The following MGAM variants were observed in gnomAD, a reference collection of about 807,000 sequenced individuals.
MGAM encodes the protein alpha-1,4-glucosidase.
A neutral mutation model predicts 358.8 loss-of-function variants in MGAM; 253 were observed. The ratio of observed to expected loss-of-function variants is 0.71; its 90% CI spans 0.64 to 0.78. MGAM has a LOEUF of 0.78. Among genes scored for constraint, MGAM ranks in the 30% least tolerant of loss-of-function variants. The pLI is 0.00. For missense variants in MGAM, 3,080 were observed against 3,432.6 expected (o/e 0.90, Z 2.57); for synonymous variants, 1,105 against 1,227.1 (o/e 0.90, Z 2.08).
At position 142,082,580 on chromosome 7, in the gene MGAM, A is replaced by C. The variant is rs1244543426; in HGVS notation, c.6268+9A>C. 2 of 1,492,266 alleles carry C rather than the reference A, an allele frequency of 1.3e-6. 1 individual carries two copies. Among genetic ancestry groups the C allele is most frequent in the Non-Finnish European group, 1.8e-6 (2 of 1,095,032 alleles). The allele number at this position is 1,492,266 out of a possible 1,614,324, so 92.4% of individuals were successfully genotyped here. A position where few individuals can be genotyped will look rare whatever the true frequency, so the allele number is the denominator to read the frequency against. ...GAACAGCAATGCCATGGGTAAGGCC[A>C]TCCAGCGCCTCCCTTATTTTGGGGG... On this transcript the variant is annotated intron_variant, in intron 52 of 70. Transcript: ENST00000475668.
intron 3 of MGAM, among the ~76,000 whole-genome samples, chr7:142,016,767 A>G (rs1015768880): frequency 9.2e-5 from 14 of 151,960 alleles, no homozygotes; most frequent in Non-Finnish European, 1.9e-4. Flanking sequence ...TAATTTTTGT[A>G]TTTTTAGTAG....
At chr7:142,029,025 T>C (rs977941663) in intron 10 of MGAM, among the ~76,000 whole-genome samples, 1 of 152,082 alleles carries the variant, frequency 6.6e-6, no homozygotes, top group Non-Finnish European at 1.5e-5. Flanking sequence ...CTACATGCCT[T>C]CTTTAGTTAT....
At position 142,063,439 on chromosome 7, in the gene MGAM, A is replaced by C. The variant is rs1812420942; in HGVS notation, c.4258-60A>C. 12 of 1,566,888 alleles carry C rather than the reference A, an allele frequency of 7.7e-6. No individual in the cohort carries two copies. In the East Asian group the frequency reaches 2.8e-4, roughly 36 times the overall value. ...AATTTATTCACTACTTCCTTGGCTC[A>C]GAATTGGCAGGACGTAATTATCTTA... On this transcript the variant is annotated intron_variant, in intron 35 of 70. Coordinates refer to ENST00000475668, the MANE Select transcript of MGAM (RefSeq NM_001365693.1).
At chr7:142,016,663 G>T (rs1554456295) in intron 3 of MGAM, among the ~76,000 whole-genome samples, 1 of 152,170 alleles carries the variant, frequency 6.6e-6, no homozygotes, top group African/African-American at 2.4e-5. Flanking sequence ...CACAATCTCG[G>T]CTCGCTGCAA....
At chr7:141,990,833 A>G (rs1241581233) in intron 2 of MGAM, among the ~76,000 whole-genome samples, 2 of 152,124 alleles carry the variant, frequency 1.3e-5, no homozygotes, top group African/African-American at 2.4e-5. Context: ...TTCGCCCAAA[A>G]TATCTTTCCT....
At chr7:142,075,541 C>T (rs1237942824) in intron 45 of MGAM, among the ~76,000 whole-genome samples, 1 of 146,298 alleles carries the variant, frequency 6.8e-6, no homozygotes, top group Non-Finnish European at 1.5e-5. Context: ...CCATATATCT[C>T]AGAAGAGATT....
chr7:141,995,252 A>AG (rs1554448369), upstream of MGAM, among the ~76,000 whole-genome samples: 1 of 151,844 alleles, frequency 6.6e-6, no homozygotes, highest in African/African-American at 2.4e-5. Flanking sequence ...AACCAAAAAA[A>AG]AAAAAAATCC....
intron 20 of MGAM, 173 bp downstream of exon 20, chr7:142,040,344 T>G: frequency 1.6e-6 from 1 of 616,614 alleles, no homozygotes; most frequent in Non-Finnish European, 2.9e-6. Flanking sequence ...TTAACATCAG[T>G]CATGATGAAA....
chr7:142,078,294 C>T lies in MGAM; in HGVS notation c.5494-24C>T. 3 of 1,418,210 alleles carry T rather than the reference C, an allele frequency of 2.1e-6. 1 individual carries two copies. The highest frequency in any genetic ancestry group is 2.8e-6 in the Non-Finnish European group (3 of 1,058,438). 87.9% of individuals were successfully genotyped at this position (1,418,210 alleles called of 1,614,324 possible). ...GGCCTTTCTCCCAAAGATGAATTTC[C>T]TTGTGATTTCTGCATTCCTACAGGT... On this transcript the variant is annotated intron_variant, in intron 47 of 70. Transcript: ENST00000475668.
intron 28 of MGAM, 84 bp from the exon 29 acceptor site, chr7:142,055,916 T>A: frequency 6.8e-7 from 1 of 1,479,004 alleles, no homozygotes; most frequent in Non-Finnish European, 9.2e-7. Context: ...ACTAGAGCCA[T>A]GTTAGCAAGC....
At chr7:141,997,505 A>G (rs782205100) in intron 1 of MGAM, among the ~76,000 whole-genome samples, 13 of 152,236 alleles carry the variant, frequency 8.5e-5, no homozygotes, top group Non-Finnish European at 1.9e-4. Context: ...ATTACTATAA[A>G]AATTGTTCTA....
In MGAM at chr7:142,066,622, A is replaced by G. The variant is rs111404461; in HGVS notation, c.4820A>G (p.Asn1607Ser). The stretch of plus-strand genomic sequence containing the variant: ...GCTGCTTTTGTGAATATTTCCAGAA[A>G]TGTCCTGCAGACCAGATACACCCTG... Reference protein sequence around the residue: ...WDAAFVNISRNVLQTRYTLLP... With the variant: ...WDAAFVNISRSVLQTRYTLLP... The change falls in exon 41 of 71, where the codon AAT (asparagine) becomes AGT (serine). Residue 1607 changes from asparagine (N) to serine (S), a missense_variant. By Grantham distance (46) the Asn-to-Ser change is conservative. Around this residue, in one of 5 missense-constraint regions of MGAM, gnomAD observed 134 missense variants for 198.4 expected, o/e 0.68. Transcript: ENST00000475668. 4.5e-6 allele frequency: 7 copies of G among 1,555,004 alleles called. 2 individuals are homozygous for G. The South Asian group carries it at 5.6e-5, about 12-fold the overall frequency.
upstream of MGAM, among the ~76,000 whole-genome samples, chr7:141,994,715 T>A (rs1175946285): frequency 6.6e-6 from 1 of 152,198 alleles, no homozygotes; most frequent in Non-Finnish European, 1.5e-5. Flanking sequence ...CCCTATGCTG[T>A]TCTCATGATA....
At chr7:142,008,806 A>G (rs1805375637) in intron 3 of MGAM, 101 bp downstream of exon 3, 3 of 1,288,842 alleles carry the variant, frequency 2.3e-6, no homozygotes, top group East Asian at 2.5e-5. Context: ...GTGACTCTCA[A>G]GAGAGGTGTT....
chr7:142,041,169 T>C (rs1400574956), intron 21 of MGAM, among the ~76,000 whole-genome samples: 9 of 152,274 alleles, frequency 5.9e-5, no homozygotes, highest in Non-Finnish European at 8.8e-5. Context: ...TAAGATTTCT[T>C]TCTTGTGATT....
chr7:141,994,811 A>T (rs1268904777), upstream of MGAM, among the ~76,000 whole-genome samples: 1 of 152,206 alleles, frequency 6.6e-6, no homozygotes, highest in Non-Finnish European at 1.5e-5. Flanking sequence ...CGCCATGTTA[A>T]GAAGTCCCTG....
intron 2 of MGAM, among the ~76,000 whole-genome samples, chr7:141,987,312 T>C (rs1350658717): frequency 2.6e-5 from 4 of 152,230 alleles, no homozygotes; most frequent in African/African-American, 7.2e-5. Flanking sequence ...TTCTTTCTGC[T>C]ACTCTCTACA....
At chr7:141,991,568 C>T (rs188181562), upstream of MGAM, among the ~76,000 whole-genome samples, 69 of 151,974 alleles carry the variant, frequency 4.5e-4, no homozygotes, top group African/African-American at 1.6e-3. Context: ...TCCTGAGTAG[C>T]TGGGATTATA....
At position 142,080,912 on chromosome 7, in the gene MGAM, T is replaced by C; in HGVS notation, c.5969T>C (p.Ile1990Thr). ...DVLIKKNPFG[I>T]EIRRKSTGTI... The stretch of plus-strand genomic sequence containing the variant: ...CTCATTAAGAAGAATCCATTTGGGA[T>C]TGAAATTCGCCGGAAGAGTACAGGC... The change falls in exon 50 of 71, where the codon ATT (isoleucine) becomes ACT (threonine). Residue 1990 changes from isoleucine to threonine, a missense_variant. Coordinates refer to ENST00000475668, the MANE Select transcript of MGAM (RefSeq NM_001365693.1). 6.4e-7 allele frequency: 1 copy of C among 1,556,080 alleles called. No individual in the cohort carries two copies. Among genetic ancestry groups the C allele is most frequent in the Non-Finnish European group, 8.8e-7 (1 of 1,132,390 alleles).
Sources: gnomAD v4.1 joint callset for allele counts (sites outside exome capture counted in the v4.1 genomes callset) on GRCh38, gnomAD v4.1.1 for gene constraint, gnomAD v4.1.1 regional missense constraint, MANE v1.5 for transcripts, NCBI Gene and HGNC (gene_info 2026-07-23, HGNC 2026-07-21) for gene names.